The following PTGER3 variants were observed in gnomAD, a reference collection of about 807,000 sequenced individuals.
The protein encoded by PTGER3 is prostaglandin E2 receptor EP3 subtype.
A neutral mutation model predicts 34.7 loss-of-function variants in PTGER3; 22 were observed. The ratio of observed to expected loss-of-function variants is 0.63; its 90% CI spans 0.45 to 0.91. The LOEUF is 0.91. Among genes scored for constraint, PTGER3 ranks in the 40% least tolerant of loss-of-function variants. The pLI is 0.00. For missense variants in PTGER3, 468 were observed against 519.4 expected, an observed-to-expected ratio of 0.90 and a Z score of 0.96; for synonymous variants, 241 against 230.1, an observed-to-expected ratio of 1.05 and a Z score of -0.43.
chr1:71,008,169 A>G (rs1572916319), intron 2 of PTGER3: 1 of 958,422 alleles, frequency 1.0e-6, no homozygotes, highest in Non-Finnish European at 1.2e-6. Context: ...GACTAGGAGA[A>G]AACAGTGTAG....
chr1:71,047,184 A>T lies in PTGER3; in HGVS notation c.394T>A (p.Phe132Ile), dbSNP rs1461251659. 3.1e-6 allele frequency: 5 copies of T among 1,600,260 alleles called. No individual in the cohort carries two copies. The East Asian group carries it at 1.1e-4, about 36-fold the overall frequency. The change falls in exon 1 of 4, where the codon TTT becomes ATT. Residue 132 changes from phenylalanine to isoleucine, a missense_variant. Phe to Ile is a conservative substitution (Grantham distance 21, BLOSUM62 0). Coordinates refer to ENST00000306666, the MANE Select transcript of PTGER3 (RefSeq NM_198719.2). ...HIDPSGRLCTFFGLTMTVFGL... is the reference protein window; with the variant it reads ...HIDPSGRLCTIFGLTMTVFGL... Reference sequence around the variant, plus strand: ...AAAACAGTCATGGTCAGCCCGAAAAAGGTGCAGAGCCGCCCCGACGGGTCG... The same window carrying T: ...AAAACAGTCATGGTCAGCCCGAAAATGGTGCAGAGCCGCCCCGACGGGTCG...
intron 1 of PTGER3, among the ~76,000 whole-genome samples, chr1:71,017,690 T>C (rs1411206574): frequency 1.3e-5 from 2 of 152,172 alleles, no homozygotes; most frequent in African/African-American, 2.4e-5. Context: ...CATGTGAAGA[T>C]GTGTCTGCTT....
chr1:70,941,348 C>G (rs1557671780), intron 4 of PTGER3, among the ~76,000 whole-genome samples: 1 of 152,070 alleles, frequency 6.6e-6, no homozygotes, highest in Non-Finnish European at 1.5e-5. Context: ...TTGCCTAAGA[C>G]CTTTTTTGTT....
intron 1 of PTGER3, among the ~76,000 whole-genome samples, chr1:71,040,950 G>A (rs545714541): frequency 1.3e-5 from 2 of 152,220 alleles, no homozygotes; most frequent in South Asian, 4.1e-4. Context: ...GGGGTAAAGT[G>A]GCAATGAAAA....
At chr1:71,041,875 C>T (rs1660345559) in intron 1 of PTGER3, among the ~76,000 whole-genome samples, 2 of 152,208 alleles carry the variant, frequency 1.3e-5, no homozygotes, top group South Asian at 4.1e-4. Context: ...AATGCAAGGG[C>T]AGAACCAAAA....
chr1:70,920,276 T>C (rs1194203449), intron 4 of PTGER3, among the ~76,000 whole-genome samples: 1 of 152,194 alleles, frequency 6.6e-6, no homozygotes, highest in Non-Finnish European at 1.5e-5. Flanking sequence ...ACTAAGCTCA[T>C]CTTTCATGCC....
intron 2 of PTGER3, among the ~76,000 whole-genome samples, chr1:70,982,845 T>C (rs1386948858): frequency 1.3e-5 from 2 of 152,126 alleles, no homozygotes; most frequent in African/African-American, 2.4e-5. Flanking sequence ...TAAAGACTCA[T>C]AAATAGGTGA....
At chr1:71,002,297 A>G (rs1656568338) in intron 2 of PTGER3, 3 of 152,148 alleles carry the variant, frequency 2.0e-5, no homozygotes, top group African/African-American at 7.2e-5. Context: ...TATCTCATTT[A>G]ATTGTAACAA....
intron 4 of PTGER3, among the ~76,000 whole-genome samples, chr1:70,937,229 G>T (rs990053822): frequency 6.6e-6 from 1 of 152,208 alleles, no homozygotes; most frequent in African/African-American, 2.4e-5. Context: ...TATGGCAGTT[G>T]AAAATTTGGG....
chr1:70,887,262 A>G (rs1231138426), intron 4 of PTGER3, among the ~76,000 whole-genome samples: 4 of 152,192 alleles, frequency 2.6e-5, no homozygotes, highest in Non-Finnish European at 5.9e-5. Flanking sequence ...GACTAAGTGG[A>G]TAATTTAGTA....
intron 1 of PTGER3, among the ~76,000 whole-genome samples, chr1:71,025,645 C>A (rs1293206865): frequency 6.6e-6 from 1 of 152,126 alleles, no homozygotes; most frequent in Non-Finnish European, 1.5e-5. Context: ...AATAACAAAA[C>A]AGCAACTAAT....
At position 71,012,227 on chromosome 1, in the gene PTGER3, C is replaced by T. The variant is rs902451559; in HGVS notation, c.1077+78G>A. The T allele has an allele frequency of 9.3e-6, 15 of 1,612,138 alleles. No individual in the cohort carries two copies. The Admixed American group carries it at 1.2e-4, about 13-fold the overall frequency. On this transcript the variant is annotated intron_variant, in intron 2 of 3. Transcript: ENST00000306666. ...TAAGTGTTTTCTTTCATGCTTCTGTCTGTATTATTTCATTAGATAATGAGA... is the reference window on the plus strand; with the variant it reads ...TAAGTGTTTTCTTTCATGCTTCTGTTTGTATTATTTCATTAGATAATGAGA...
At chr1:70,908,273 T>G (rs1416519578) in intron 4 of PTGER3, among the ~76,000 whole-genome samples, 1 of 151,986 alleles carries the variant, frequency 6.6e-6, no homozygotes, top group Non-Finnish European at 1.5e-5. Context: ...TCAATTTTTC[T>G]GCTCTTTTAA....
Position 70,879,501 on chromosome 1 carries a change from G to C in PTGER3, c.*24-26642C>G, listed in dbSNP as rs140354456. 1.3e-4 allele frequency among the ~76,000 whole-genome samples: 20 copies of C among 152,216 alleles called. No individual in the cohort carries two copies. The East Asian group carries it at 3.9e-3, about 29-fold the overall frequency. ...AAACTCTAATGATCATCCCACCTTGGCCTCCTAAAGTGCTGGGATTATAGG... is the reference window on the plus strand; with the variant it reads ...AAACTCTAATGATCATCCCACCTTGCCCTCCTAAAGTGCTGGGATTATAGG... On this transcript the variant is annotated intron_variant, in intron 4 of 4. Coordinates refer to the PTGER3 transcript ENST00000370931.
intron 1 of PTGER3, among the ~76,000 whole-genome samples, chr1:71,014,095 A>G (rs1657682188): frequency 6.6e-6 from 1 of 152,186 alleles, no homozygotes; most frequent in Non-Finnish European, 1.5e-5. Context: ...CTTTTTAAAA[A>G]TGCAGCTACT....
At chr1:71,035,981 C>G (rs1019504524) in intron 1 of PTGER3, among the ~76,000 whole-genome samples, 1 of 152,240 alleles carries the variant, frequency 6.6e-6, no homozygotes, top group African/African-American at 2.4e-5. Flanking sequence ...AATTACCTTT[C>G]TCTTGCCTTC....
intron 4 of PTGER3, among the ~76,000 whole-genome samples, chr1:70,931,819 C>T (rs1648730757): frequency 6.6e-6 from 1 of 152,170 alleles, no homozygotes; most frequent in African/African-American, 2.4e-5. Context: ...GCCACAAAGA[C>T]CTATGACATG....
chr1:70,881,387 G>A (rs754787244), intron 4 of PTGER3, among the ~76,000 whole-genome samples: 6 of 152,084 alleles, frequency 3.9e-5, no homozygotes, highest in South Asian at 2.1e-4. Flanking sequence ...ATTTCTATCC[G>A]TATTCTGAAT....
intron 1 of PTGER3, among the ~76,000 whole-genome samples, chr1:71,023,596 A>G (rs2143157): frequency 0.38 from 56,985 of 151,680 alleles, 11,743 homozygotes; most frequent in South Asian, 0.47. Flanking sequence ...CTTACATCAA[A>G]TTCAACATTT....
Sources: gnomAD v4.1 joint callset for allele counts (sites outside exome capture counted in the v4.1 genomes callset) on GRCh38, gnomAD v4.1.1 for gene constraint, MANE v1.5 for transcripts, NCBI Gene and HGNC (gene_info 2026-07-23, HGNC 2026-07-21) for gene names.